The following CSMD1 variants were observed in gnomAD, a reference collection of about 807,000 sequenced individuals.
CSMD1 encodes the protein CUB and Sushi multiple domains 1, also known as CUB and sushi domain-containing protein 1.
In CSMD1, 213 loss-of-function variants were observed where a neutral mutation model predicts 417.5. That is an observed-to-expected ratio of 0.51 (90% CI 0.46 to 0.57). The LOEUF (loss-of-function observed/expected upper bound fraction) is 0.57. CSMD1 is among the 20% of genes least tolerant of loss of function. The probability of loss-of-function intolerance (pLI) is 0.00; values close to 1 mark genes in which losing one functional copy is unlikely to be tolerated. For synonymous variants in CSMD1, 2,862 were observed against 1,736.8 expected, an observed-to-expected ratio of 1.65 and a Z score of -16.11; for missense variants, 6,923 against 4,529.7, an observed-to-expected ratio of 1.53 and a Z score of -15.17.
intron 5 of CSMD1, among the ~76,000 whole-genome samples, chr8:3,827,743 C>G (rs2129085908): frequency 6.6e-6 from 1 of 152,304 alleles, no homozygotes; most frequent in South Asian, 2.1e-4. Flanking sequence ...TACTTCTTCA[C>G]TATACGATAA....
chr8:3,493,209 G>C (rs186843205), intron 11 of CSMD1, among the ~76,000 whole-genome samples: 9 of 148,884 alleles, frequency 6.0e-5, no homozygotes, highest in Non-Finnish European at 1.5e-5. Context: ...CAGGTGAATT[G>C]CTTGAACCCG....
At chr8:4,468,625 T>C (rs550441582) in intron 2 of CSMD1, among the ~76,000 whole-genome samples, 21 of 152,288 alleles carry the variant, frequency 1.4e-4, no homozygotes, top group Admixed American at 3.3e-4. Context: ...TGAACCTAAT[T>C]GTTAAAATGG....
At chr8:3,789,775 G>C (rs1413789836) in intron 5 of CSMD1, among the ~76,000 whole-genome samples, 1 of 143,600 alleles carries the variant, frequency 7.0e-6, no homozygotes, top group Non-Finnish European at 1.5e-5. Flanking sequence ...CTGTCTCCGA[G>C]GCTGGAGTGC....
At chr8:3,550,241 C>A (rs916637591) in intron 10 of CSMD1, among the ~76,000 whole-genome samples, 2 of 152,086 alleles carry the variant, frequency 1.3e-5, no homozygotes, top group Non-Finnish European at 2.9e-5. Context: ...AGAATACATC[C>A]TATGTCTCAC....
intron 3 of CSMD1, 130 bp from the exon 4 acceptor site, chr8:4,032,229 T>C (rs1014143171): frequency 6.3e-6 from 4 of 636,044 alleles, no homozygotes; most frequent in South Asian, 4.8e-5. Context: ...AAAATATTAA[T>C]TGTTGCTAAA....
chr8:4,384,686 G>A (rs546483025), intron 3 of CSMD1, among the ~76,000 whole-genome samples: 2 of 152,158 alleles, frequency 1.3e-5, no homozygotes, highest in East Asian at 1.9e-4. Context: ...CAACAGACAC[G>A]AGTGGGCCTT....
chr8:4,979,838 T>C, intron 1 of CSMD1, among the ~76,000 whole-genome samples: 1 of 151,964 alleles, frequency 6.6e-6, no homozygotes, highest in East Asian at 1.9e-4. Flanking sequence ...CAGATCTAGA[T>C]CATCCTGGCT....
At chr8:4,486,003 T>C (rs568916784) in intron 2 of CSMD1, among the ~76,000 whole-genome samples, 1 of 151,764 alleles carries the variant, frequency 6.6e-6, no homozygotes, top group Non-Finnish European at 1.5e-5. Flanking sequence ...TCCCTCCTTA[T>C]GTAATAGCAA....
At chr8:4,442,620 C>A (rs1175876846) in intron 2 of CSMD1, among the ~76,000 whole-genome samples, 1 of 152,156 alleles carries the variant, frequency 6.6e-6, no homozygotes, top group Non-Finnish European at 1.5e-5. Flanking sequence ...CAGAAGCAAG[C>A]CCTCTGGATT....
At chr8:4,796,888 C>G (rs963258886) in intron 1 of CSMD1, among the ~76,000 whole-genome samples, 2 of 152,316 alleles carry the variant, frequency 1.3e-5, no homozygotes, top group East Asian at 3.9e-4. Flanking sequence ...ATGCACACAA[C>G]TGAAACGCTA....
At chr8:3,352,526 A>G (rs1391499331) in intron 21 of CSMD1, among the ~76,000 whole-genome samples, 1 of 152,142 alleles carries the variant, frequency 6.6e-6, no homozygotes, top group African/African-American at 2.4e-5. Context: ...TGTCACTTAC[A>G]CAGTGCATGT....
intron 7 of CSMD1, among the ~76,000 whole-genome samples, chr8:3,640,141 G>A (rs534665780): frequency 3.0e-4 from 46 of 152,214 alleles, no homozygotes; most frequent in Admixed American, 2.0e-3. Context: ...TTTTTCTTGC[G>A]TAAGACTTCG....
chr8:4,034,676 G>A (rs1209021978), intron 3 of CSMD1, among the ~76,000 whole-genome samples: 1 of 152,094 alleles, frequency 6.6e-6, no homozygotes, highest in African/African-American at 2.4e-5. Context: ...GAGAAAGGGA[G>A]TGATTAAAAA....
intron 3 of CSMD1, among the ~76,000 whole-genome samples, chr8:4,385,534 C>T (rs1419452117): frequency 6.6e-6 from 1 of 152,090 alleles, no homozygotes; most frequent in Admixed American, 6.6e-5. Flanking sequence ...TATTAATCTC[C>T]TTTCATTTTT....
chr8:3,857,855 G>C (rs886318093), intron 5 of CSMD1, among the ~76,000 whole-genome samples: 11 of 152,218 alleles, frequency 7.2e-5, no homozygotes, highest in African/African-American at 2.2e-4. Context: ...AGTTACCTTT[G>C]CTGAGTGAGA....
intron 5 of CSMD1, among the ~76,000 whole-genome samples, chr8:3,828,549 G>C (rs1802187887): frequency 6.6e-6 from 1 of 151,950 alleles, no homozygotes; most frequent in Non-Finnish European, 1.5e-5. Flanking sequence ...ACCTTCTTGT[G>C]TCTTACAGAA....
At chr8:4,425,977 C>T (rs1383126467) in intron 2 of CSMD1, among the ~76,000 whole-genome samples, 1 of 151,680 alleles carries the variant, frequency 6.6e-6, no homozygotes, top group East Asian at 1.9e-4. Context: ...GTAGACATAG[C>T]CCAAAATTAA....
At chr8:3,967,243 C>G (rs1455179328) in intron 5 of CSMD1, among the ~76,000 whole-genome samples, 2 of 151,542 alleles carry the variant, frequency 1.3e-5, no homozygotes, top group African/African-American at 2.4e-5. Flanking sequence ...CTATTCTGAT[C>G]TAATTCTTCT....
At chr8:4,468,665 C>T (rs1585127770) in intron 2 of CSMD1, among the ~76,000 whole-genome samples, 1 of 152,142 alleles carries the variant, frequency 6.6e-6, no homozygotes, top group South Asian at 2.1e-4. Context: ...AGGTAGATCT[C>T]CTCCCCTGGA....
Sources: allele counts gnomAD v4.1 joint callset (sites outside exome capture counted in the v4.1 genomes callset), GRCh38; gene constraint gnomAD v4.1.1; transcripts MANE v1.5; gene names NCBI Gene and HGNC (gene_info 2026-07-23, HGNC 2026-07-21).